Variants in CAST observed in about 807,000 individuals in gnomAD.
The protein encoded by CAST is calpastatin.
A neutral mutation model predicts 119.6 loss-of-function variants in CAST; 76 were observed. The ratio of observed to expected loss-of-function variants is 0.64; its 90% CI spans 0.53 to 0.77. CAST has a LOEUF of 0.77. CAST is among the 30% of genes least tolerant of loss of function. The pLI is 0.00. For missense variants in CAST, 953 were observed against 946.5 expected (o/e 1.01, Z -0.09); for synonymous variants, 319 against 331.6 (o/e 0.96, Z 0.41).
At chr5:96,462,411 C>A in the CAST span, among the ~76,000 whole-genome samples, 1 of 152,026 alleles carries the variant, frequency 6.6e-6, no homozygotes, top group Non-Finnish European at 1.5e-5. Context: ...TTAAATAGTA[C>A]CTCTCCTCTA....
intron 1 of CAST, among the ~76,000 whole-genome samples, chr5:96,620,279 GTTCTTT>G (rs1747576595): frequency 7.1e-6 from 1 of 139,884 alleles, no homozygotes. Flanking sequence ...GGTGAAGCCA[GTTCTTT>G]TTCTTTTTTT....
At position 96,538,486 on chromosome 5, in the gene CAST, A is replaced by G. The variant is rs527612711; in HGVS notation, c.60+8606A>G. Among the ~76,000 whole-genome samples, 10 of 152,360 alleles carry G rather than the reference A, an allele frequency of 6.6e-5. No individual in the cohort carries two copies. In the South Asian group the frequency reaches 2.1e-3, roughly 32 times the overall value. On this transcript the variant is annotated intron_variant, in intron 1 of 11. Coordinates refer to the CAST transcript ENST00000505143. ...AGCATGCAGATTAAAAACAACAAAC[A>G]CTAGGCTAGCAAAGTAAATGACCAA...
intron 1 of CAST, among the ~76,000 whole-genome samples, chr5:96,549,081 T>G (rs1373331386): frequency 6.6e-6 from 1 of 152,196 alleles, no homozygotes; most frequent in Non-Finnish European, 1.5e-5. Context: ...GAAAATCTAC[T>G]AGCTTACAGG....
chr5:96,557,797 G>A (rs1312861221), intron 1 of CAST, among the ~76,000 whole-genome samples: 12 of 152,102 alleles, frequency 7.9e-5, no homozygotes, highest in Admixed American at 7.9e-4. Context: ...ACAGATCAAC[G>A]AGACAGAAAG....
chr5:96,451,010 A>G, the CAST span, among the ~76,000 whole-genome samples: 20 of 152,328 alleles, frequency 1.3e-4, no homozygotes, highest in South Asian at 8.3e-4. Context: ...CTTCTACAGA[A>G]TCTTCATAAA....
chr5:96,161,295 G>A, the CAST span, among the ~76,000 whole-genome samples: 3 of 152,112 alleles, frequency 2.0e-5, no homozygotes, highest in African/African-American at 7.2e-5. Flanking sequence ...TACATAAAGT[G>A]TGGTAGGTGG....
chr5:96,745,587 A>G (rs548825878), intron 16 of CAST, among the ~76,000 whole-genome samples: 1 of 152,338 alleles, frequency 6.6e-6, no homozygotes, highest in East Asian at 1.9e-4. Flanking sequence ...CCACACCTTT[A>G]TATAGGTACA....
chr5:96,505,511 G>A, the CAST span, among the ~76,000 whole-genome samples: 1 of 152,044 alleles, frequency 6.6e-6, no homozygotes, highest in Admixed American at 6.6e-5. Flanking sequence ...AAAATCTAAG[G>A]AAAAGGAATA....
chr5:96,721,113 A>G (rs767465224), intron 3 of CAST, among the ~76,000 whole-genome samples: 2 of 152,202 alleles, frequency 1.3e-5, no homozygotes, highest in Non-Finnish European at 2.9e-5. Context: ...GTCTTGGTAC[A>G]TCTTACAGTT....
the CAST span, among the ~76,000 whole-genome samples, chr5:96,084,214 C>T: frequency 2.6e-5 from 4 of 152,048 alleles, no homozygotes; most frequent in African/African-American, 9.7e-5. Context: ...TGTTATGGCA[C>T]AGTGGGTGGG....
chr5:96,431,436 G>T, the CAST span, among the ~76,000 whole-genome samples: 1 of 152,156 alleles, frequency 6.6e-6, no homozygotes, highest in Non-Finnish European at 1.5e-5. Context: ...GAGACTTCAA[G>T]TACAACTTCT....
the CAST span, among the ~76,000 whole-genome samples, chr5:96,154,281 A>C: frequency 2.6e-5 from 4 of 152,074 alleles, no homozygotes; most frequent in South Asian, 2.1e-4. Flanking sequence ...CCATCTCAAA[A>C]AACAACAACA....
chr5:96,588,626 A>T lies in CAST; in HGVS notation c.60+58746A>T, dbSNP rs577068467. Among the ~76,000 whole-genome samples, 88 of 152,380 alleles carry T rather than the reference A, an allele frequency of 5.8e-4. 1 individual carries two copies. Among genetic ancestry groups the T allele is most frequent in the Non-Finnish European group, 3.4e-4 (23 of 68,042 alleles). On this transcript the variant is annotated intron_variant, in intron 1 of 11. Transcript: ENST00000505143. The stretch of plus-strand genomic sequence containing the variant: ...TTTACCAATTGGATGAAATTACAAT[A>T]AGATGGCCAGAAAAACGATTTATGA...
chr5:96,536,231 C>T (rs115833049), intron 1 of CAST, among the ~76,000 whole-genome samples: 113 of 151,872 alleles, frequency 7.4e-4, no homozygotes, highest in African/African-American at 2.7e-3. Context: ...TGGTGAGAGA[C>T]GCCTGTAATC....
At chr5:96,232,804 A>G in the CAST span, among the ~76,000 whole-genome samples, 3 of 152,114 alleles carry the variant, frequency 2.0e-5, no homozygotes, top group Non-Finnish European at 4.4e-5. Context: ...ATTGGAGAGC[A>G]TACTATGTTC....
chr5:96,193,953 T>C, the CAST span, among the ~76,000 whole-genome samples: 2 of 152,134 alleles, frequency 1.3e-5, no homozygotes, highest in Non-Finnish European at 2.9e-5. Context: ...ATTCATTAAT[T>C]TTTTAGGAAG....
the CAST span, among the ~76,000 whole-genome samples, chr5:96,079,868 G>T: frequency 2.3e-3 from 351 of 152,230 alleles, no homozygotes; most frequent in Admixed American, 6.0e-3. Flanking sequence ...ATGAGGATAT[G>T]CCTTAATTTA....
At chr5:96,085,074 A>G in the CAST span, among the ~76,000 whole-genome samples, 8 of 152,178 alleles carry the variant, frequency 5.3e-5, no homozygotes, top group Non-Finnish European at 1.0e-4. Flanking sequence ...CTGAGCCTGT[A>G]CTTAACCAGG....
intron 3 of CAST, among the ~76,000 whole-genome samples, chr5:96,703,591 TAC>T (rs1354208128): frequency 6.6e-6 from 1 of 152,228 alleles, no homozygotes; most frequent in African/African-American, 2.4e-5. Context: ...ATTCTCCACT[TAC>T]ACACAGGCAG....
Sources: gnomAD v4.1 joint callset for allele counts (sites outside exome capture counted in the v4.1 genomes callset) on GRCh38, gnomAD v4.1.1 for gene constraint, MANE v1.5 for transcripts, NCBI Gene and HGNC (gene_info 2026-07-23, HGNC 2026-07-21) for gene names.